OR2T10: variants seen among roughly 807,000 people sequenced by gnomAD.
OR2T10 encodes the protein olfactory receptor family 2 subfamily T member 10, also known as olfactory receptor 2T10.
For synonymous variants in OR2T10, 125 were observed against 141.8 expected (o/e 0.88, Z 0.84); for missense variants, 335 against 382.5 (o/e 0.88, Z 1.04).
Position 248,592,705 on chromosome 1 carries a change from G to T in OR2T10, c.*125C>A. ...TTATAGGAGGGAAGAACACTGGGCT[G>T]AATCCCCCTGAAGGACAACTCAGGG... On this transcript the variant is annotated 3_prime_UTR_variant, in exon 2 of 2. Transcript: ENST00000642090. 1 of 586,460 alleles carries T rather than the reference G, an allele frequency of 1.7e-6. No individual in the cohort carries two copies. Among genetic ancestry groups the T allele is most frequent in the Non-Finnish European group, 3.0e-6 (1 of 338,152 alleles). The allele number at this position is 586,460 out of a possible 1,614,324, so 36.3% of individuals were successfully genotyped here. A position where few individuals can be genotyped will look rare whatever the true frequency, so the allele number is the denominator to read the frequency against.
rs1277403249 is a variant in OR2T10 at position 248,595,773 on chromosome 1, G to C, written c.-29+1719C>G. Among the ~76,000 whole-genome samples, 8 of 124,600 alleles carry C rather than the reference G, an allele frequency of 6.4e-5. 1 individual carries two copies. The highest frequency in any genetic ancestry group is 2.5e-4 in the African/African-American group (7 of 28,514). The allele number at this position is 124,600 out of a possible 152,430, so 81.7% of individuals were successfully genotyped here. On this transcript the variant is annotated intron_variant, in intron 1 of 1. Coordinates refer to ENST00000642090, the MANE Select transcript of OR2T10 (RefSeq NM_001004693.2). Reference sequence around the variant, plus strand: ...ATTCCCAATAAACTTCAAAAATTCAGTGGAATTATTTAGTAGATTCCAAAA... The same window carrying C: ...ATTCCCAATAAACTTCAAAAATTCACTGGAATTATTTAGTAGATTCCAAAA...
intron 1 of OR2T10, chr1:248,594,795 A>G (rs1434400065): frequency 7.0e-6 from 1 of 143,652 alleles, no homozygotes; most frequent in East Asian, 2.0e-4. Flanking sequence ...TTTTGGTGAG[A>G]GAAAGTTTGC....
rs1285312700 is a variant in OR2T10 at position 248,595,510 on chromosome 1, G to A, written c.-28-1714C>T. Among the ~76,000 whole-genome samples, 3 of 142,728 alleles carry A rather than the reference G, an allele frequency of 2.1e-5. 1 individual carries two copies. Among genetic ancestry groups the A allele is most frequent in the Non-Finnish European group, 4.5e-5 (3 of 66,144 alleles). The allele number at this position is 142,728 out of a possible 152,430, so 93.6% of individuals were successfully genotyped here. On this transcript the variant is annotated intron_variant, in intron 1 of 1. Transcript: ENST00000642090. Reference sequence around the variant, plus strand: ...ACTCGTGGGTTTTCATTTTGTTTTAGAAATACTTAGCAAAGGACACAGAAA... The same window carrying A: ...ACTCGTGGGTTTTCATTTTGTTTTAAAAATACTTAGCAAAGGACACAGAAA...
chr1:248,594,814 A>G lies in OR2T10; in HGVS notation c.-28-1018T>C, dbSNP rs1340063346. ...GGTGAGAGAAAGTTTGCCTCAATTT[A>G]TACTTATCTTATCGTGACATCCAAC... On this transcript the variant is annotated intron_variant, in intron 1 of 1. Coordinates refer to ENST00000642090, the MANE Select transcript of OR2T10 (RefSeq NM_001004693.2). 2.8e-5 allele frequency: 4 copies of G among 143,792 alleles called. No homozygotes were observed. The East Asian group carries it at 8.0e-4, about 29-fold the overall frequency. 8.9% of individuals were successfully genotyped at this position (143,792 alleles called of 1,614,324 possible). A position where few individuals can be genotyped will look rare whatever the true frequency, so the allele number is the denominator to read the frequency against.
At chr1:248,593,923 G>T in intron 1 of OR2T10, 127 bp from the exon 2 acceptor site, 1 of 552,326 alleles carries the variant, frequency 1.8e-6, no homozygotes, top group Admixed American at 3.1e-5. Flanking sequence ...CTGTGAATTT[G>T]CACTAAAAAG....
intron 1 of OR2T10, chr1:248,594,850 T>C (rs1257227812): frequency 7.0e-6 from 1 of 143,884 alleles, no homozygotes; most frequent in Non-Finnish European, 1.5e-5. Flanking sequence ...ATATTTATTG[T>C]ATGCAGGTAG....
rs1659980187 is a variant in OR2T10 at position 248,590,593 on chromosome 1, T to C, written c.*2237A>G. The C allele has an allele frequency of 1.4e-5, 2 of 143,888 alleles. 1 individual carries two copies. Among genetic ancestry groups the C allele is most frequent in the Non-Finnish European group, 3.0e-5 (2 of 66,374 alleles). The allele number at this position is 143,888 out of a possible 1,614,324, so 8.9% of individuals were successfully genotyped here. On this transcript the variant is annotated 3_prime_UTR_variant, in exon 2 of 2. Coordinates refer to ENST00000642090, the MANE Select transcript of OR2T10 (RefSeq NM_001004693.2). ...GCATGCAATGTGTAATAATTACTGA[T>C]ATAATTGGGGTTCTATGTGAGCTAT...
In OR2T10 at chr1:248,593,162, A is replaced by C; in HGVS notation, c.607T>G (p.Cys203Gly). ...SLYKIFMYLC[C>G]VIMLLIPVTV... ...ACAGGTATCAGGAGCATGATGACAC[A>C]GCACAAGTACATGAAAATCTTGTAA... Residue 203 changes from cysteine (C) to glycine (G), a missense_variant, in exon 2 of 2, where the codon TGT becomes GGT. Cys to Gly is a radical substitution (Grantham distance 159). Coordinates refer to ENST00000642090, the MANE Select transcript of OR2T10 (RefSeq NM_001004693.2). The C allele has an allele frequency of 6.4e-7, 1 of 1,572,592 alleles. No homozygotes were observed. The highest frequency in any genetic ancestry group is 8.6e-7 in the Non-Finnish European group (1 of 1,156,232).
In OR2T10 at chr1:248,596,454, C is replaced by G. The variant is rs1365871117; in HGVS notation, c.-29+1038G>C. Among the ~76,000 whole-genome samples, 5 of 142,636 alleles carry G rather than the reference C, an allele frequency of 3.5e-5. 2 individuals carry two copies. The highest frequency in any genetic ancestry group is 1.4e-4 in the African/African-American group (5 of 36,004). The allele number at this position is 142,636 out of a possible 152,430, so 93.6% of individuals were successfully genotyped here. A position where few individuals can be genotyped will look rare whatever the true frequency, so the allele number is the denominator to read the frequency against. ...CATATCTCAGGTTTATTCAGGAGAACAAAAGTGAGAGTGGATATTGCATTT... is the reference window on the plus strand; with the variant it reads ...CATATCTCAGGTTTATTCAGGAGAAGAAAAGTGAGAGTGGATATTGCATTT... On this transcript the variant is annotated intron_variant, in intron 1 of 1. Coordinates refer to ENST00000642090, the MANE Select transcript of OR2T10 (RefSeq NM_001004693.2).
rs564068655 is a variant in OR2T10 at position 248,590,899 on chromosome 1, A to G, written c.*1931T>C. On this transcript the variant is annotated 3_prime_UTR_variant, in exon 2 of 2. Coordinates refer to ENST00000642090, the MANE Select transcript of OR2T10 (RefSeq NM_001004693.2). ...TTACATTAAAATTATTGCTAAGTCA[A>G]TATTGATTATGACTCATTTACATAT... is the stretch of plus-strand genomic sequence containing the variant. 25 of 143,578 alleles carry G rather than the reference A, an allele frequency of 1.7e-4. 6 individuals carry two copies. Among genetic ancestry groups the G allele is most frequent in the African/African-American group, 6.8e-4 (25 of 36,652 alleles). The allele number at this position is 143,578 out of a possible 1,614,324, so 8.9% of individuals were successfully genotyped here.
chr1:248,595,812 C>A (rs1660081782), intron 1 of OR2T10, among the ~76,000 whole-genome samples: 1 of 142,308 alleles, frequency 7.0e-6, no homozygotes, highest in Non-Finnish European at 1.5e-5. Flanking sequence ...AATGAAGCAA[C>A]ATCATCTAGA....
In OR2T10 at chr1:248,593,385, A is replaced by AT. The variant is rs1419992827; in HGVS notation, c.383dup (p.His128GlnfsTer12). 1 of 1,572,712 alleles carries AT rather than the reference A, an allele frequency of 6.4e-7. No individual in the cohort carries two copies. Among genetic ancestry groups the AT allele is most frequent in the Non-Finnish European group, 8.6e-7 (1 of 1,156,944 alleles). ...TCATGAGCACAGAGTAACGGAGAGG[A>AT]TGGCAGATAGCCACATAGCGGTCAT... On this transcript the variant is annotated frameshift_variant, in exon 2 of 2. Transcript: ENST00000642090. LOFTEE classifies it low-confidence loss of function (END_TRUNC).
chr1:248,593,324 A>G lies in OR2T10; in HGVS notation c.445T>C (p.Trp149Arg), dbSNP rs771286110. 11 of 1,573,362 alleles carry G rather than the reference A, an allele frequency of 7.0e-6. No individual in the cohort carries two copies. Among genetic ancestry groups the G allele is most frequent in the Non-Finnish European group, 8.6e-6 (10 of 1,157,122 alleles). Residue 149 changes from tryptophan to arginine, a missense_variant, in exon 2 of 2, where the codon TGG becomes CGG. By Grantham distance (101) the Trp-to-Arg change is moderately radical. Transcript: ENST00000642090. ...AAGCCATCCACTGAGCCCACAAACCAGCAGCCTGATGCCAGGAGGAGACAT... is the reference window on the plus strand; with the variant it reads ...AAGCCATCCACTGAGCCCACAAACCGGCAGCCTGATGCCAGGAGGAGACAT... ...RVCLLLASGCWFVGSVDGFML... is the reference protein window; with the variant it reads ...RVCLLLASGCRFVGSVDGFML...
chr1:248,597,623 C>G lies in OR2T10; in HGVS notation c.-160G>C, dbSNP rs1239945752. ...AATCTGCTCTGTGATCAGTGAAACA[C>G]CAGCCTGCTTTTCTGCGAAAGGGTT... On this transcript the variant is annotated 5_prime_UTR_variant, in exon 1 of 2. Transcript: ENST00000642090. The G allele has an allele frequency of 2.1e-5, 3 of 143,402 alleles. 1 individual carries two copies. Among genetic ancestry groups the G allele is most frequent in the Non-Finnish European group, 4.5e-5 (3 of 66,280 alleles). The allele number at this position is 143,402 out of a possible 1,614,324, so 8.9% of individuals were successfully genotyped here. A position where few individuals can be genotyped will look rare whatever the true frequency, so the allele number is the denominator to read the frequency against.
In OR2T10 at chr1:248,593,111, A is replaced by G. The variant is rs1205800143; in HGVS notation, c.658T>C (p.Tyr220His). 12 of 1,573,148 alleles carry G rather than the reference A, an allele frequency of 7.6e-6. No individual in the cohort carries two copies. Among genetic ancestry groups the G allele is most frequent in the Middle Eastern group, 1.7e-4 (1 of 5,976 alleles). The change falls in exon 2 of 2, where the codon TAT becomes CAT. Residue 220 changes from tyrosine (Y) to histidine (H), a missense_variant. Physicochemically the swap from Tyr to His is moderately conservative, Grantham distance 83 (BLOSUM62 2). Coordinates refer to ENST00000642090, the MANE Select transcript of OR2T10 (RefSeq NM_001004693.2). ...ATCTTATGGATGGTGAGGATGATATAGTAGTAAGACACTGAAATGACCGTC... is the reference window on the plus strand; with the variant it reads ...ATCTTATGGATGGTGAGGATGATATGGTAGTAAGACACTGAAATGACCGTC... ...PVTVISVSYY[Y>H]IILTIHKMNS...
At position 248,595,320 on chromosome 1, in the gene OR2T10, CAT is replaced by C. The variant is rs758661908; in HGVS notation, c.-28-1526_-28-1525del. Among the ~76,000 whole-genome samples the C allele has an allele frequency of 2.8e-5, 4 of 143,712 alleles. 1 individual carries two copies. The highest frequency in any genetic ancestry group is 8.2e-5 in the African/African-American group (3 of 36,616). 94.3% of individuals were successfully genotyped at this position (143,712 alleles called of 152,430 possible). On this transcript the variant is annotated intron_variant, in intron 1 of 1. Transcript: ENST00000642090. ...GTCAAATGTTTATTTAAATCAGACA[CAT>C]ATTCATCCTTTTTATATTGCAGCTT...
At chr1:248,593,856 G>T in intron 1 of OR2T10, 60 bp from the exon 2 acceptor site, 1 of 670,840 alleles carries the variant, frequency 1.5e-6, no homozygotes, top group Non-Finnish European at 2.5e-6. Flanking sequence ...AAGTATGTTT[G>T]CTTCACTTTA....
At chr1:248,596,220 C>CA (rs1490432682) in intron 1 of OR2T10, among the ~76,000 whole-genome samples, 3 of 143,116 alleles carry the variant, frequency 2.1e-5, no homozygotes, top group African/African-American at 8.3e-5. Context: ...ACTTGCTGCC[C>CA]AGCTTCTCAG....
In OR2T10 at chr1:248,593,162, A is replaced by G; in HGVS notation, c.607T>C (p.Cys203Arg). 1 of 1,572,592 alleles carries G rather than the reference A, an allele frequency of 6.4e-7. No homozygotes were observed. The stretch of plus-strand genomic sequence containing the variant: ...ACAGGTATCAGGAGCATGATGACAC[A>G]GCACAAGTACATGAAAATCTTGTAA... ...SLYKIFMYLC[C>R]VIMLLIPVTV... The change falls in exon 2 of 2, where the codon TGT becomes CGT. Residue 203 changes from cysteine to arginine, a missense_variant. Cys to Arg is a radical substitution (Grantham distance 180). Coordinates refer to ENST00000642090, the MANE Select transcript of OR2T10 (RefSeq NM_001004693.2).
Sources: gnomAD v4.1 joint callset for allele counts (sites outside exome capture counted in the v4.1 genomes callset) on GRCh38, gnomAD v4.1.1 for gene constraint, MANE v1.5 for transcripts, NCBI Gene and HGNC (gene_info 2026-07-23, HGNC 2026-07-21) for gene names.